AKAP9: variants seen among roughly 807,000 people sequenced by gnomAD.
AKAP9 encodes A-kinase anchoring protein 9, also known as A-kinase anchor protein 9.
Under a neutral mutation model 488.5 loss-of-function variants are expected in AKAP9, and 311 were observed. That is an observed-to-expected ratio of 0.64 (90% CI 0.58 to 0.70). The LOEUF (loss-of-function observed/expected upper bound fraction) is 0.70. Among genes scored for constraint, AKAP9 ranks in the 30% least tolerant of loss-of-function variants. AKAP9 has a pLI of 0.00. For missense variants in AKAP9, 4,215 were observed against 4,374.5 expected, an observed-to-expected ratio of 0.96 and a Z score of 1.03; for synonymous variants, 1,462 against 1,483.5, an observed-to-expected ratio of 0.99 and a Z score of 0.33.
At chr7:91,941,937 G>A (rs1249460541) in intron 1 of AKAP9, among the ~76,000 whole-genome samples, 1 of 150,650 alleles carries the variant, frequency 6.6e-6, no homozygotes, top group African/African-American at 2.4e-5. Context: ...AGCCTGTAAA[G>A]CAAACAATAC....
At chr7:92,008,621 G>A (rs1800260463) in intron 8 of AKAP9, among the ~76,000 whole-genome samples, 1 of 151,834 alleles carries the variant, frequency 6.6e-6, no homozygotes, top group Non-Finnish European at 1.5e-5. Flanking sequence ...CCAGGAGGTG[G>A]AGAATGCAGT....
chr7:92,036,812 T>G (rs941988235), intron 16 of AKAP9, among the ~76,000 whole-genome samples: 2 of 152,170 alleles, frequency 1.3e-5, no homozygotes, highest in Non-Finnish European at 2.9e-5. Context: ...TTTTGTTAAG[T>G]TGTATTCTAT....
intron 14 of AKAP9, among the ~76,000 whole-genome samples, chr7:92,026,428 G>C (rs1028884287): frequency 1.3e-5 from 2 of 151,754 alleles, no homozygotes; most frequent in African/African-American, 4.8e-5. Context: ...TCCCTGCCTC[G>C]GGCTCCCGTG....
At chr7:91,959,810 C>T (rs568904000) in intron 1 of AKAP9, among the ~76,000 whole-genome samples, 8 of 152,230 alleles carry the variant, frequency 5.3e-5, no homozygotes, top group African/African-American at 1.9e-4. Context: ...GTGGTCTTTT[C>T]CATTCCTGAT....
At chr7:92,100,309 C>T (rs1434524574) in intron 44 of AKAP9, among the ~76,000 whole-genome samples, 3 of 152,144 alleles carry the variant, frequency 2.0e-5, no homozygotes, top group East Asian at 1.9e-4. Context: ...TGTTAAATTA[C>T]GTCTTTCAGT....
intron 38 of AKAP9, 114 bp from the exon 39 acceptor site, chr7:92,092,983 A>T: frequency 1.1e-6 from 1 of 914,604 alleles, no homozygotes; most frequent in Admixed American, 2.3e-5. Context: ...ATAATTTTTC[A>T]TGTTTCCTTT....
At chr7:92,016,990 T>C (rs761363943) in intron 11 of AKAP9, 27 bp from the exon 12 acceptor site, 2 of 1,449,144 alleles carry the variant, frequency 1.4e-6, no homozygotes. Context: ...GAAGTGAAAT[T>C]ATTGTAATTG....
At chr7:92,093,358 G>C in intron 39 of AKAP9, 42 bp downstream of exon 39, 1 of 1,560,640 alleles carries the variant, frequency 6.4e-7, no homozygotes, top group Non-Finnish European at 8.8e-7. Context: ...ACAAGGAGTG[G>C]GAGTAATTTT....
chr7:91,942,264 G>A (rs1408905568), intron 1 of AKAP9, among the ~76,000 whole-genome samples: 2 of 152,086 alleles, frequency 1.3e-5, no homozygotes, highest in Non-Finnish European at 2.9e-5. Flanking sequence ...GGGCCATACC[G>A]CAGAGATGCA....
At position 92,052,740 on chromosome 7, in the gene AKAP9, A is replaced by G. The variant is rs780190777; in HGVS notation, c.5383A>G (p.Ile1795Val). 5 of 1,611,028 alleles carry G rather than the reference A, an allele frequency of 3.1e-6. No homozygotes were observed. In the South Asian group the frequency reaches 3.3e-5, roughly 11 times the overall value. The change falls in exon 22 of 50, where the codon ATT becomes GTT. Residue 1795 changes from isoleucine (I) to valine (V), a missense_variant. Physicochemically the swap from Ile to Val is conservative, Grantham distance 29. Coordinates refer to ENST00000356239, the MANE Select transcript of AKAP9 (RefSeq NM_005751.5). ...EEHTRVTDES[I>V]PSYSGSDMPR... is the part of the protein sequence containing the mutation. ...TGTTATTCTAGTTACAGATGAATCC[A>G]TTCCCTCTTATTCTGGAAGTGATAT...
At chr7:91,984,175 C>T (rs1023678170) in intron 3 of AKAP9, among the ~76,000 whole-genome samples, 1 of 152,066 alleles carries the variant, frequency 6.6e-6, no homozygotes, top group African/African-American at 2.4e-5. Context: ...GTTGCTATTG[C>T]TTTTGGTGTT....
rs1817817086 is a variant in AKAP9 at position 92,102,882 on chromosome 7, AT to A, written c.11330+61del. 5 of 1,426,800 alleles carry A rather than the reference AT, an allele frequency of 3.5e-6. No individual in the cohort carries two copies. The South Asian group carries it at 5.7e-5, about 16-fold the overall frequency. The allele number at this position is 1,426,800 out of a possible 1,614,324, so 88.4% of individuals were successfully genotyped here. A position where few individuals can be genotyped will look rare whatever the true frequency, so the allele number is the denominator to read the frequency against. ...AGTAGACTCTCTAAAAGGATTAGTT[AT>A]TTTTAATTCTCCCTCTATTCTCTGC... On this transcript the variant is annotated intron_variant, in intron 46 of 49. Coordinates refer to ENST00000356239, the MANE Select transcript of AKAP9 (RefSeq NM_005751.5).
In AKAP9 at chr7:91,992,189, G is replaced by T; in HGVS notation, c.383G>T (p.Gly128Val). ...GGTTGCAGTTTTGTGATGAGAACAGGAAAGCCTACAAATTTATTAAGGGTA... is the reference window on the plus strand; with the variant it reads ...GGTTGCAGTTTTGTGATGAGAACAGTAAAGCCTACAAATTTATTAAGGGTA... ...VNGCSFVMRT[G>V]KPTNLLREEE... The change falls in exon 4 of 50, where the codon GGA becomes GTA. Residue 128 changes from glycine to valine, a missense_variant. Gly to Val is a moderately radical substitution (Grantham distance 109, BLOSUM62 -3). Around this residue, in one of 5 missense-constraint regions of AKAP9, gnomAD observed 2,361 missense variants for 2,430.0 expected, o/e 0.97. Coordinates refer to ENST00000356239, the MANE Select transcript of AKAP9 (RefSeq NM_005751.5). 2 of 1,609,194 alleles carry T rather than the reference G, an allele frequency of 1.2e-6. No homozygotes were observed. Among genetic ancestry groups the T allele is most frequent in the Non-Finnish European group, 1.7e-6 (2 of 1,175,760 alleles).
chr7:92,061,695 G>A (rs989306148), intron 23 of AKAP9, among the ~76,000 whole-genome samples: 1 of 148,084 alleles, frequency 6.8e-6, no homozygotes, highest in Non-Finnish European at 1.5e-5. Flanking sequence ...GTGGTGACTC[G>A]TTACTGTAAT....
At chr7:92,008,512 C>T (rs1040429809) in intron 8 of AKAP9, among the ~76,000 whole-genome samples, 5 of 150,830 alleles carry the variant, frequency 3.3e-5, no homozygotes, top group Non-Finnish European at 5.9e-5. Flanking sequence ...ACAGTGAAAC[C>T]CCATCTCTAC....
At chr7:92,083,004 A>T (rs1282039211) in intron 32 of AKAP9, among the ~76,000 whole-genome samples, 166 bp from the exon 33 acceptor site, 1 of 152,132 alleles carries the variant, frequency 6.6e-6, no homozygotes, top group Non-Finnish European at 1.5e-5. Flanking sequence ...CGTACATACA[A>T]ATATATATAT....
chr7:92,096,278 A>T (rs964291219), intron 40 of AKAP9, among the ~76,000 whole-genome samples: 1 of 151,758 alleles, frequency 6.6e-6, no homozygotes, highest in Admixed American at 6.6e-5. Flanking sequence ...TCTAATAAAG[A>T]TACTACCAAC....
chr7:92,004,736 C>T (rs1164664580), intron 8 of AKAP9, among the ~76,000 whole-genome samples: 1 of 152,190 alleles, frequency 6.6e-6, no homozygotes, highest in Non-Finnish European at 1.5e-5. Context: ...ATGGGGTTTT[C>T]TAGATATACA....
At chr7:91,992,108 A>T in intron 3 of AKAP9, 50 bp from the exon 4 acceptor site, 1 of 1,435,304 alleles carries the variant, frequency 7.0e-7, no homozygotes, top group Non-Finnish European at 9.8e-7. Flanking sequence ...TGTTAGCTAA[A>T]TAAAATTATG....
Sources: allele counts gnomAD v4.1 joint callset (sites outside exome capture counted in the v4.1 genomes callset), GRCh38; gene constraint gnomAD v4.1.1; regional missense constraint gnomAD v4.1.1; transcripts MANE v1.5; gene names NCBI Gene and HGNC (gene_info 2026-07-23, HGNC 2026-07-21).